The following CUX1 variants were observed in gnomAD, a reference collection of about 807,000 sequenced individuals.
CUX1 encodes the protein protein CASP.
Under a neutral mutation model 158.8 loss-of-function variants are expected in CUX1, and 31 were observed. That is an observed-to-expected ratio of 0.20 (90% confidence interval 0.15 to 0.26). CUX1 has a LOEUF of 0.26. Among genes scored for constraint, CUX1 ranks in the 10% least tolerant of loss-of-function variants. CUX1 has a pLI of 1.00. For missense variants in CUX1, 1,589 were observed against 2,014.6 expected, an observed-to-expected ratio of 0.79 and a Z score of 4.04; for synonymous variants, 879 against 862.1, an observed-to-expected ratio of 1.02 and a Z score of -0.34.
intron 1 of CUX1, among the ~76,000 whole-genome samples, chr7:101,834,161 G>GTTT (rs1794365555): frequency 1.0e-4 from 10 of 95,692 alleles, no homozygotes; most frequent in Admixed American, 2.0e-4. Flanking sequence ...AAAGCTGATT[G>GTTT]TTTCTTTTTT....
chr7:102,117,356 C>A (rs1831531495), intron 8 of CUX1, among the ~76,000 whole-genome samples: 2 of 143,684 alleles, frequency 1.4e-5, no homozygotes, highest in South Asian at 4.5e-4. Flanking sequence ...CGAGATAGCA[C>A]CACTGCACCC....
rs201709857 is a variant in CUX1, at chr7:102,178,637, G to A, written c.997G>A (p.Ala333Thr). The change falls in exon 11 of 24, where the codon GCC becomes ACC. Residue 333 changes from alanine (A) to threonine (T), a missense_variant. Transcript: ENST00000292535. The part of the protein sequence containing the change: ...QISQLEQQLS[A>T]KNSTLKQLEE... ...CTCACAGCTTGAGCAGCAGCTGAGC[G>A]CCAAAAACAGCACACTCAAAGTAAG... 2.8e-5 allele frequency: 45 copies of A among 1,609,274 alleles called. No individual in the cohort carries two copies. Among genetic ancestry groups the A allele is most frequent in the Middle Eastern group, 3.3e-4 (2 of 6,034 alleles).
chr7:101,921,279 C>G (rs924514525), intron 2 of CUX1, among the ~76,000 whole-genome samples: 1 of 152,064 alleles, frequency 6.6e-6, no homozygotes, highest in Non-Finnish European at 1.5e-5. Context: ...GTGTACGTAC[C>G]CATGTGCCTG....
At chr7:102,247,975 G>C (rs556117977) in intron 23 of CUX1, among the ~76,000 whole-genome samples, 62 of 152,162 alleles carry the variant, frequency 4.1e-4, no homozygotes, top group African/African-American at 1.4e-3. Context: ...TTCTAAAAAT[G>C]CAAAAATTAG....
rs199724839 is a variant in CUX1 at position 102,195,631 on chromosome 7, C to T, written c.1222+28C>T. The T allele has an allele frequency of 8.9e-6, 14 of 1,571,780 alleles. No individual in the cohort carries two copies. In the Admixed American group the frequency reaches 1.1e-4, roughly 12 times the overall value. ...AGGTTGGCCGGGCTTCGCGCGTGTGCGGTGGTTGGTTCGCTTCCAGGGGTC... is the reference window on the plus strand; with the variant it reads ...AGGTTGGCCGGGCTTCGCGCGTGTGTGGTGGTTGGTTCGCTTCCAGGGGTC... On this transcript the variant is annotated intron_variant, in intron 14 of 23. Coordinates refer to ENST00000292535, the MANE Select transcript of CUX1 (RefSeq NM_181552.4).
At chr7:102,240,301 C>T (rs2132506013) in intron 23 of CUX1, among the ~76,000 whole-genome samples, 1 of 152,228 alleles carries the variant, frequency 6.6e-6, no homozygotes, top group South Asian at 2.1e-4. Flanking sequence ...CAAGGGCTTG[C>T]TCTGTCACCC....
intron 2 of CUX1, among the ~76,000 whole-genome samples, chr7:101,946,369 C>A (rs944902850): frequency 1.3e-5 from 2 of 152,026 alleles, no homozygotes; most frequent in Non-Finnish European, 2.9e-5. Context: ...CGTGGTGAAA[C>A]CCTGTCTCTA....
intron 2 of CUX1, among the ~76,000 whole-genome samples, chr7:101,926,298 A>C (rs977910210): frequency 6.6e-6 from 1 of 152,244 alleles, no homozygotes; most frequent in Admixed American, 6.5e-5. Flanking sequence ...CCAGTTTATC[A>C]ACCCAAGACA....
At chr7:102,128,130 G>A (rs1832846439) in intron 8 of CUX1, among the ~76,000 whole-genome samples, 2 of 152,268 alleles carry the variant, frequency 1.3e-5, no homozygotes, top group African/African-American at 2.4e-5. Flanking sequence ...GAGCCACCAC[G>A]CCCAGCCGGC....
rs915226085 is a variant in CUX1 at position 101,914,963 on chromosome 7, G to C, written c.31-1152G>C. Among the ~76,000 whole-genome samples the C allele has an allele frequency of 8.3e-4, 127 of 152,118 alleles. 2 individuals carry two copies. Among genetic ancestry groups the C allele is most frequent in the Admixed American group, 5.2e-4 (8 of 15,282 alleles). Reference sequence around the variant, plus strand: ...TGTGGGACTTGGTGAGCTGGGTGGTGGGGGGTGGAGAAGGAGAGGCTCTAG... The same window carrying C: ...TGTGGGACTTGGTGAGCTGGGTGGTCGGGGGTGGAGAAGGAGAGGCTCTAG... On this transcript the variant is annotated intron_variant, in intron 1 of 23. Coordinates refer to ENST00000292535, the MANE Select transcript of CUX1 (RefSeq NM_181552.4).
At chr7:101,941,400 A>AT (rs1202474380) in intron 2 of CUX1, among the ~76,000 whole-genome samples, 6 of 152,166 alleles carry the variant, frequency 3.9e-5, no homozygotes, top group African/African-American at 1.4e-4. Context: ...CGGTAGCTGG[A>AT]TTGTCTCTGA....
intron 23 of CUX1, among the ~76,000 whole-genome samples, chr7:102,243,630 G>GAAA (rs1800456403): frequency 1.1e-4 from 8 of 74,138 alleles, no homozygotes; most frequent in Admixed American, 4.6e-4. Context: ...TGTCTCTACA[G>GAAA]AAAATAATAA....
At chr7:101,823,086 C>T (rs555567052) in intron 1 of CUX1, among the ~76,000 whole-genome samples, 1 of 152,190 alleles carries the variant, frequency 6.6e-6, no homozygotes, top group South Asian at 2.1e-4. Context: ...AACGGCATTT[C>T]CTAACTGCAG....
intron 3 of CUX1, among the ~76,000 whole-genome samples, chr7:102,034,418 G>A (rs117607102): frequency 0.011 from 1,614 of 152,180 alleles, 11 homozygotes; most frequent in South Asian, 0.029. Flanking sequence ...TCAGGAGTTT[G>A]AGACCAGCCT....
At chr7:101,956,236 C>G (rs938300227) in intron 2 of CUX1, among the ~76,000 whole-genome samples, 10 of 151,174 alleles carry the variant, frequency 6.6e-5, no homozygotes, top group African/African-American at 2.4e-4. Context: ...GGATGAAATG[C>G]ACGCGCCCTC....
At chr7:101,861,750 A>G (rs1038272418) in intron 1 of CUX1, among the ~76,000 whole-genome samples, 1 of 150,734 alleles carries the variant, frequency 6.6e-6, no homozygotes, top group Admixed American at 6.6e-5. Flanking sequence ...CCAGTACCAG[A>G]GTTATCATCA....
intron 14 of CUX1, among the ~76,000 whole-genome samples, chr7:102,265,529 C>G (rs2132761146): frequency 6.6e-6 from 1 of 151,900 alleles, no homozygotes; most frequent in Non-Finnish European, 1.5e-5. Flanking sequence ...CCTTGACCTC[C>G]TGGGCTCAAG....
intron 1 of CUX1, among the ~76,000 whole-genome samples, chr7:101,899,133 C>T (rs915178675): frequency 6.6e-6 from 1 of 152,186 alleles, no homozygotes; most frequent in African/African-American, 2.4e-5. Flanking sequence ...GGGGTCCAGA[C>T]CCTGGGTGGT....
At chr7:102,119,403 G>A (rs1554492751) in intron 8 of CUX1, among the ~76,000 whole-genome samples, 1 of 152,218 alleles carries the variant, frequency 6.6e-6, no homozygotes, top group East Asian at 1.9e-4. Context: ...GCTGACTGTG[G>A]CAGACAACGG....
Sources: allele counts gnomAD v4.1 joint callset (sites outside exome capture counted in the v4.1 genomes callset), GRCh38; gene constraint gnomAD v4.1.1; transcripts MANE v1.5; gene names NCBI Gene and HGNC (gene_info 2026-07-23, HGNC 2026-07-21).